ELL2: variants seen among roughly 807,000 people sequenced by gnomAD.
The protein encoded by ELL2 is elongation factor for RNA polymerase II 2, also known as RNA polymerase II elongation factor ELL2.
Under a neutral mutation model 72.8 loss-of-function variants are expected in ELL2, and 21 were observed. That is an observed-to-expected ratio of 0.29 (90% CI 0.20 to 0.42). ELL2 has a LOEUF of 0.42. Among genes scored for constraint, ELL2 ranks in the 10% least tolerant of loss-of-function variants. The probability of loss-of-function intolerance (pLI) is 1.00; values close to 1 mark genes in which losing one functional copy is unlikely to be tolerated. For synonymous variants in ELL2, 266 were observed against 283.2 expected, an observed-to-expected ratio of 0.94 and a Z score of 0.61; for missense variants, 568 against 772.8, an observed-to-expected ratio of 0.73 and a Z score of 3.14.
At chr5:95,948,813 G>C (rs1751271699) in intron 1 of ELL2, among the ~76,000 whole-genome samples, 1 of 152,186 alleles carries the variant, frequency 6.6e-6, no homozygotes, top group South Asian at 2.1e-4. Context: ...GAGTTATCTT[G>C]TATCTATTTC....
At chr5:95,906,459 C>T in intron 5 of ELL2, 64 bp downstream of exon 5, 1 of 1,494,468 alleles carries the variant, frequency 6.7e-7, no homozygotes, top group Non-Finnish European at 9.0e-7. Flanking sequence ...TGACAACAAG[C>T]TTTTTTAAAT....
chr5:95,949,480 C>T (rs1281205763), intron 1 of ELL2, among the ~76,000 whole-genome samples: 1 of 151,938 alleles, frequency 6.6e-6, no homozygotes, highest in Non-Finnish European at 1.5e-5. Flanking sequence ...GAGATCTTTC[C>T]AACTTTATTC....
intron 2 of ELL2, among the ~76,000 whole-genome samples, chr5:95,924,518 C>A (rs1750216149): frequency 6.6e-6 from 1 of 152,110 alleles, no homozygotes; most frequent in Admixed American, 6.6e-5. Context: ...TAGGGACTCA[C>A]AATCTTGAAT....
At position 95,906,748 on chromosome 5, in the gene ELL2, A is replaced by C. The variant is rs777423453; in HGVS notation, c.516T>G (p.Ala172=). The C allele has an allele frequency of 5.6e-6, 9 of 1,613,136 alleles. No homozygotes were observed. Among genetic ancestry groups the C allele is most frequent in the Non-Finnish European group, 7.6e-6 (9 of 1,179,406 alleles). The change falls in exon 5 of 12, where the codon GCT becomes GCG. Residue 172 remains alanine (A), a synonymous_variant. Coordinates refer to ENST00000237853, the MANE Select transcript of ELL2 (RefSeq NM_012081.6). ...TCCTCTCAGGAACTGTATCTGAAAC[A>C]GCTTGAGGTGCTTTCCGAATTTGCA... ...KRVQIRKAPQ[A]VSDTVPERKR...
intron 1 of ELL2, among the ~76,000 whole-genome samples, chr5:95,950,909 T>C (rs1482141965): frequency 0.1 from 2,028 of 19,602 alleles, 120 homozygotes; most frequent in African/African-American, 0.26. Flanking sequence ...TATGTGTATA[T>C]ATATATATAT....
Position 95,961,672 on chromosome 5 carries a change from A to G in ELL2, c.50T>C (p.Leu17Pro). 2.5e-6 allele frequency: 4 copies of G among 1,608,310 alleles called. No homozygotes were observed. Among genetic ancestry groups the G allele is most frequent in the Non-Finnish European group, 3.4e-6 (4 of 1,178,068 alleles). Residue 17 changes from leucine to proline, a missense_variant, in exon 1 of 12, where the codon CTG becomes CCG. Physicochemically the swap from Leu to Pro is moderately conservative, Grantham distance 98. Coordinates refer to ENST00000237853, the MANE Select transcript of ELL2 (RefSeq NM_012081.6). ...GTCCTGCCCCAGCCGTCCGCACGAC[A>G]GCCCATAGCGCTGCTCCTCCCGCAG... is the stretch of plus-strand genomic sequence containing the variant. ...GGLREEQRYGLSCGRLGQDNI... is the reference protein window; with the variant it reads ...GGLREEQRYGPSCGRLGQDNI...
chr5:95,927,764 T>TATGTGTGTATATAGACAC (rs1750433395), intron 2 of ELL2, among the ~76,000 whole-genome samples: 2 of 70,162 alleles, frequency 2.9e-5, no homozygotes, highest in South Asian at 1.2e-3. Context: ...TATATAGACA[T>TATGTGTGTATATAGACAC]ACACACACAC....
intron 2 of ELL2, among the ~76,000 whole-genome samples, chr5:95,920,260 T>C (rs1044698830): frequency 2.7e-5 from 4 of 150,264 alleles, no homozygotes; most frequent in African/African-American, 9.7e-5. Flanking sequence ...GTTGTTATTT[T>C]TATTTTTAAA....
At chr5:95,910,931 T>C (rs1266036795) in intron 4 of ELL2, among the ~76,000 whole-genome samples, 1 of 152,012 alleles carries the variant, frequency 6.6e-6, no homozygotes, top group African/African-American at 2.4e-5. Context: ...TATAATTTGC[T>C]ATTTGCTGAT....
chr5:95,934,803 T>C (rs956173299), intron 2 of ELL2, among the ~76,000 whole-genome samples: 10 of 152,194 alleles, frequency 6.6e-5, no homozygotes, highest in Admixed American at 3.3e-4. Context: ...GAACTTGGCA[T>C]CTCCAAAAAT....
rs3777202 is a variant in ELL2 at position 95,898,688 on chromosome 5, A to T, written c.1077T>A (p.Ser359=). ...CAGGGGGCAGCGGGAGGCCTGCAGC[A>T]GATTTTTCACTGGTGGGATTCAAAT... The part of the protein sequence containing the change: ...NGHLNPTSEK[S]AAGLPLPPAA... Residue 359 remains serine (S), a synonymous_variant, in exon 8 of 12, where the codon TCT becomes TCA. Coordinates refer to ENST00000237853, the MANE Select transcript of ELL2 (RefSeq NM_012081.6). 1.2e-6 allele frequency: 2 copies of T among 1,612,058 alleles called. No homozygotes were observed. Among genetic ancestry groups the T allele is most frequent in the African/African-American group, 1.3e-5 (1 of 74,648 alleles).
chr5:95,891,758 T>C (rs6879652), intron 9 of ELL2, among the ~76,000 whole-genome samples: 57,269 of 152,028 alleles, frequency 0.38, 12,281 homozygotes, highest in African/African-American at 0.6. Context: ...GTCTGTTGCT[T>C]GGCCTTTCAG....
At chr5:95,907,347 T>C (rs567637380) in intron 4 of ELL2, among the ~76,000 whole-genome samples, 2 of 147,838 alleles carry the variant, frequency 1.4e-5, no homozygotes, top group Non-Finnish European at 3.0e-5. Context: ...AAAACAAAAC[T>C]AACCAACCAA....
In ELL2 at chr5:95,961,702, C is replaced by T. The variant is rs765592964; in HGVS notation, c.20G>A (p.Gly7Glu). MAAGGT[G>E]GLREEQRYGL... is the part of the protein sequence containing the mutation. Reference sequence around the variant, plus strand: ...ATAGCGCTGCTCCTCCCGCAGGCCCCCTGTCCCCCCCGCCGCCATCTTAAA... The same window carrying T: ...ATAGCGCTGCTCCTCCCGCAGGCCCTCTGTCCCCCCCGCCGCCATCTTAAA... The change falls in exon 1 of 12, where the codon GGG becomes GAG. Residue 7 changes from glycine (G) to glutamate (E), a missense_variant. Around this residue, in one of 2 missense-constraint regions of ELL2, gnomAD observed 57 missense variants for 44.4 expected, o/e 1.28. Transcript: ENST00000237853. The T allele has an allele frequency of 1.9e-6, 3 of 1,606,272 alleles. No homozygotes were observed. Among genetic ancestry groups the T allele is most frequent in the Non-Finnish European group, 2.5e-6 (3 of 1,177,470 alleles).
At chr5:95,941,323 T>C (rs1419071579) in intron 2 of ELL2, among the ~76,000 whole-genome samples, 4 of 152,178 alleles carry the variant, frequency 2.6e-5, no homozygotes, top group Non-Finnish European at 5.9e-5. Context: ...CTGAGGGCAC[T>C]TGGACACATG....
intron 1 of ELL2, among the ~76,000 whole-genome samples, chr5:95,947,262 T>C (rs896485120): frequency 6.6e-5 from 10 of 152,308 alleles, no homozygotes; most frequent in Non-Finnish European, 1.0e-4. Flanking sequence ...TATACCACTA[T>C]ACACACTGTA....
chr5:95,931,661 C>T (rs1379639411), intron 2 of ELL2, among the ~76,000 whole-genome samples: 1 of 151,850 alleles, frequency 6.6e-6, no homozygotes, highest in Non-Finnish European at 1.5e-5. Context: ...CCAACTGTCT[C>T]AAACTCAAAA....
intron 5 of ELL2, among the ~76,000 whole-genome samples, chr5:95,903,157 T>C (rs1561493055): frequency 6.7e-6 from 1 of 148,882 alleles, no homozygotes; most frequent in Non-Finnish European, 1.5e-5. Context: ...GCAATCCATT[T>C]TCTAGGTTTT....
intron 2 of ELL2, among the ~76,000 whole-genome samples, chr5:95,929,113 G>T (rs745519045): frequency 4.6e-5 from 7 of 152,118 alleles, no homozygotes; most frequent in Non-Finnish European, 7.4e-5. Flanking sequence ...TTAGAAGCCC[G>T]CTTTCTGAGT....
Sources: allele counts gnomAD v4.1 joint callset (sites outside exome capture counted in the v4.1 genomes callset), GRCh38; gene constraint gnomAD v4.1.1; regional missense constraint gnomAD v4.1.1; transcripts MANE v1.5; gene names NCBI Gene and HGNC (gene_info 2026-07-23, HGNC 2026-07-21).